The following NT5DC3 variants were observed in gnomAD, a reference collection of about 807,000 sequenced individuals.
NT5DC3 encodes the protein 5'-nucleotidase domain-containing protein 3.
Under a neutral mutation model 67.8 loss-of-function variants are expected in NT5DC3, and 42 were observed. The ratio of observed to expected loss-of-function variants is 0.62; its 90% CI spans 0.48 to 0.80. NT5DC3 has a LOEUF of 0.80. Among genes scored for constraint, NT5DC3 ranks in the 30% least tolerant of loss-of-function variants. NT5DC3 has a pLI of 0.00. For synonymous variants in NT5DC3, 237 were observed against 255.6 expected (o/e 0.93, Z 0.69); for missense variants, 570 against 696.4 (o/e 0.82, Z 2.04).
intron 1 of NT5DC3, among the ~76,000 whole-genome samples, chr12:103,816,776 C>G (rs542668776): frequency 3.3e-5 from 5 of 152,078 alleles, no homozygotes; most frequent in African/African-American, 1.2e-4. Flanking sequence ...TTATTGCCAC[C>G]TATGATTTTT....
chr12:103,794,482 T>C (rs1196389237), intron 6 of NT5DC3, among the ~76,000 whole-genome samples: 1 of 152,220 alleles, frequency 6.6e-6, no homozygotes, highest in Non-Finnish European at 1.5e-5. Context: ...CAGCCCCTTG[T>C]GAAAGCCAAA....
At chr12:103,746,369 A>T in the NT5DC3 span, 2 of 402,584 alleles carry the variant, frequency 5.0e-6, no homozygotes, top group Non-Finnish European at 9.1e-6. Context: ...TTTCTCATAT[A>T]AATCTCAATG....
chr12:103,763,302 C>T, the NT5DC3 span: 18 of 610,132 alleles, frequency 3.0e-5, no homozygotes, highest in Admixed American at 1.0e-4. Context: ...GGGCAGACAT[C>T]GGTAAGATGT....
At chr12:103,752,052 C>T in the NT5DC3 span, among the ~76,000 whole-genome samples, 1,314 of 152,290 alleles carry the variant, frequency 8.6e-3, 42 homozygotes, top group East Asian at 0.096. Context: ...GTGCAGCAGA[C>T]AGCCTTAAAA....
At chr12:103,763,903 A>G in the NT5DC3 span, 1 of 256,670 alleles carries the variant, frequency 3.9e-6, no homozygotes, top group East Asian at 7.5e-5. Context: ...AGTGAAAAAA[A>G]GTCTTGGGCT....
chr12:103,817,406 T>C (rs1887309569), intron 1 of NT5DC3, among the ~76,000 whole-genome samples: 1 of 152,230 alleles, frequency 6.6e-6, no homozygotes, highest in Admixed American at 6.5e-5. Flanking sequence ...CAAAATTTTC[T>C]TGAAATGGCT....
At chr12:103,759,092 T>C in the NT5DC3 span, 1 of 1,614,006 alleles carries the variant, frequency 6.2e-7, no homozygotes, top group Non-Finnish European at 8.5e-7. Flanking sequence ...AAATATTGCT[T>C]GGCCTTTGAA....
the NT5DC3 span, chr12:103,757,990 A>G: frequency 1.2e-6 from 1 of 844,612 alleles, no homozygotes; most frequent in Non-Finnish European, 1.8e-6. Context: ...TTCACTGAGG[A>G]AAGGAAAAGT....
rs1297678824 is a variant in NT5DC3, at chr12:103,773,293, G to A, written c.*4536C>T. 6.6e-6 allele frequency: 1 copy of A among 152,182 alleles called. No homozygotes were observed. The highest frequency in any genetic ancestry group is 2.4e-5 in the African/African-American group (1 of 41,434). The allele number at this position is 152,182 out of a possible 1,614,324, so 9.4% of individuals were successfully genotyped here. ...CATGACCATGGTCATTCCCACAGTAGTAGTAGCAAAAGCAAACAGCCCAAA... is the reference window on the plus strand; with the variant it reads ...CATGACCATGGTCATTCCCACAGTAATAGTAGCAAAAGCAAACAGCCCAAA... On this transcript the variant is annotated 3_prime_UTR_variant, in exon 14 of 14. Coordinates refer to ENST00000392876, the MANE Select transcript of NT5DC3 (RefSeq NM_001031701.3).
At chr12:103,782,431 C>T (rs1463540937) in intron 12 of NT5DC3, among the ~76,000 whole-genome samples, 1 of 152,140 alleles carries the variant, frequency 6.6e-6, no homozygotes, top group Non-Finnish European at 1.5e-5. Context: ...TTTCAGTGTC[C>T]ACCAATAAAG....
chr12:103,778,170 T>TTA (rs1224958157), intron 13 of NT5DC3, 89 bp from the exon 14 acceptor site: 4 of 1,174,314 alleles, frequency 3.4e-6, no homozygotes, highest in African/African-American at 3.2e-5. Context: ...CTTCTTTTTT[T>TTA]AAAAAAAAAA....
the NT5DC3 span, among the ~76,000 whole-genome samples, chr12:103,760,074 C>T: frequency 6.6e-6 from 1 of 152,162 alleles, no homozygotes; most frequent in African/African-American, 2.4e-5. Flanking sequence ...AGATCCATTT[C>T]GTCATCTACT....
intron 3 of NT5DC3, among the ~76,000 whole-genome samples, 159 bp from the exon 4 acceptor site, chr12:103,806,536 T>C (rs1419918479): frequency 2.0e-5 from 3 of 152,228 alleles, no homozygotes; most frequent in African/African-American, 7.2e-5. Context: ...ATTAATGTGC[T>C]GTACAGCTCT....
chr12:103,748,942 C>T, the NT5DC3 span: 2 of 1,604,490 alleles, frequency 1.2e-6, no homozygotes, highest in Non-Finnish European at 1.7e-6. Flanking sequence ...AAGTTGAGCC[C>T]TCTCTCCTCT....
intron 4 of NT5DC3, among the ~76,000 whole-genome samples, chr12:103,799,990 A>G (rs1886497059): frequency 6.6e-6 from 1 of 152,100 alleles, no homozygotes; most frequent in South Asian, 2.1e-4. Flanking sequence ...GACACCAATG[A>G]TTACGAAACA....
At chr12:103,759,061 A>G in the NT5DC3 span, 4 of 1,611,820 alleles carry the variant, frequency 2.5e-6, no homozygotes, top group Admixed American at 5.0e-5. Flanking sequence ...TTTCTTCGTC[A>G]TCCCCATCAT....
At chr12:103,747,749 C>T in the NT5DC3 span, among the ~76,000 whole-genome samples, 1 of 152,130 alleles carries the variant, frequency 6.6e-6, no homozygotes, top group Non-Finnish European at 1.5e-5. Context: ...AATTCTAGCA[C>T]TTTGGGAGGC....
At chr12:103,780,069 C>T (rs1226291683) in intron 13 of NT5DC3, among the ~76,000 whole-genome samples, 1 of 152,156 alleles carries the variant, frequency 6.6e-6, no homozygotes, top group African/African-American at 2.4e-5. Context: ...CAAAGGCCTT[C>T]GATGGCAAGG....
Position 103,773,075 on chromosome 12 carries a change from G to A in NT5DC3, c.*4754C>T, listed in dbSNP as rs1885228165. 1 of 152,222 alleles carries A rather than the reference G, an allele frequency of 6.6e-6. No individual in the cohort carries two copies. Among genetic ancestry groups the A allele is most frequent in the Admixed American group, 6.5e-5 (1 of 15,288 alleles). 9.4% of individuals were successfully genotyped at this position (152,222 alleles called of 1,614,324 possible). A position where few individuals can be genotyped will look rare whatever the true frequency, so the allele number is the denominator to read the frequency against. ...GGAAGTAGCTCAGAGGGAATACAGT[G>A]CACTTATTACCTACAGAACTTTCTC... is the stretch of plus-strand genomic sequence containing the variant. On this transcript the variant is annotated 3_prime_UTR_variant, in exon 14 of 14. Transcript: ENST00000392876.
Sources: gnomAD v4.1 joint callset for allele counts (sites outside exome capture counted in the v4.1 genomes callset) on GRCh38, gnomAD v4.1.1 for gene constraint, MANE v1.5 for transcripts, NCBI Gene and HGNC (gene_info 2026-07-23, HGNC 2026-07-21) for gene names.